APPBP2: variants seen among roughly 807,000 people sequenced by gnomAD.
The protein encoded by APPBP2 is amyloid protein-binding protein 2.
APPBP2 carries 15 observed loss-of-function variants against 76.0 expected under a neutral mutation model. That is an observed-to-expected ratio of 0.20 (90% CI 0.13 to 0.30). The LOEUF (loss-of-function observed/expected upper bound fraction) is 0.30. Among genes scored for constraint, APPBP2 ranks in the 10% least tolerant of loss-of-function variants. The pLI is 1.00. For synonymous variants in APPBP2, 222 were observed against 242.2 expected (o/e 0.92, Z 0.77); for missense variants, 401 against 687.2 (o/e 0.58, Z 4.66).
At chr17:60,477,781 A>G (rs2090601236) in intron 4 of APPBP2, among the ~76,000 whole-genome samples, 1 of 150,754 alleles carries the variant, frequency 6.6e-6, no homozygotes, top group Non-Finnish European at 1.5e-5. Flanking sequence ...CAGCCTCAAA[A>G]GACTGAAATC....
chr17:60,448,842 G>C (rs994269478), intron 12 of APPBP2, among the ~76,000 whole-genome samples: 13 of 152,160 alleles, frequency 8.5e-5, no homozygotes, highest in Non-Finnish European at 5.9e-5. Context: ...GAGTGGGTGG[G>C]AACTGGGTAG....
Position 60,444,132 on chromosome 17 carries a change from A to AAAG in APPBP2, c.*3448_*3449insCTT, listed in dbSNP as rs2090325943. 1 of 152,238 alleles carries AAAG rather than the reference A, an allele frequency of 6.6e-6. No individual in the cohort carries two copies. Among genetic ancestry groups the AAAG allele is most frequent in the African/African-American group, 2.4e-5 (1 of 41,140 alleles). The allele number at this position is 152,238 out of a possible 1,614,324, so 9.4% of individuals were successfully genotyped here. A position where few individuals can be genotyped will look rare whatever the true frequency, so the allele number is the denominator to read the frequency against. Reference sequence around the variant, plus strand: ...CAACAAGAGCGAAACTCCGTCTGAAAAAAAAAAAAAAAATTTCCTGGCAAC... The same window carrying AAAG: ...CAACAAGAGCGAAACTCCGTCTGAAAAAGAAAAAAAAAAAAATTTCCTGGCAAC... On this transcript the variant is annotated 3_prime_UTR_variant, in exon 13 of 13. Transcript: ENST00000083182.
At chr17:60,457,842 A>G (rs1475241688) in intron 9 of APPBP2, among the ~76,000 whole-genome samples, 3 of 152,262 alleles carry the variant, frequency 2.0e-5, no homozygotes, top group Non-Finnish European at 2.9e-5. Context: ...TTTAATGTGT[A>G]CAATTCAATG....
At chr17:60,497,441 C>T (rs963496091) in intron 2 of APPBP2, among the ~76,000 whole-genome samples, 1 of 151,962 alleles carries the variant, frequency 6.6e-6, no homozygotes, top group Non-Finnish European at 1.5e-5. Context: ...GCTAACACAA[C>T]AGGATTATAG....
At chr17:60,474,510 A>T (rs947649958) in intron 4 of APPBP2, among the ~76,000 whole-genome samples, 3 of 152,072 alleles carry the variant, frequency 2.0e-5, no homozygotes, top group Non-Finnish European at 4.4e-5. Context: ...TCACTAGGTG[A>T]TCTCTATAAA....
intron 1 of APPBP2, among the ~76,000 whole-genome samples, chr17:60,504,327 G>C (rs1234210104): frequency 6.6e-6 from 1 of 152,040 alleles, no homozygotes; most frequent in Non-Finnish European, 1.5e-5. Context: ...CAGTTATGAA[G>C]ATAGATCAAC....
chr17:60,504,655 A>G (rs1231695061), intron 1 of APPBP2, among the ~76,000 whole-genome samples: 1 of 152,180 alleles, frequency 6.6e-6, no homozygotes, highest in Non-Finnish European at 1.5e-5. Context: ...TATACCAAAA[A>G]TATAAAAATC....
At chr17:60,518,343 A>C (rs1226051969) in intron 1 of APPBP2, among the ~76,000 whole-genome samples, 1 of 147,980 alleles carries the variant, frequency 6.8e-6, no homozygotes, top group East Asian at 2.0e-4. Context: ...TACCATGCCC[A>C]GCCGTGTGTG....
chr17:60,522,618 A>G (rs371437987), intron 1 of APPBP2, among the ~76,000 whole-genome samples: 26 of 152,214 alleles, frequency 1.7e-4, no homozygotes, highest in African/African-American at 4.3e-4. Flanking sequence ...CTGCGCCTTT[A>G]CATCTTTAAT....
rs1567914479 is a variant in APPBP2 at position 60,446,016 on chromosome 17, T to C, written c.*1565A>G. On this transcript the variant is annotated 3_prime_UTR_variant, in exon 13 of 13. Coordinates refer to ENST00000083182, the MANE Select transcript of APPBP2 (RefSeq NM_006380.5). ...ATCTACAACTTTTCTGTACTCAATG[T>C]GGCAGACAGCTTAGATTTTTTTCCC... The C allele has an allele frequency of 6.6e-6, 1 of 152,212 alleles. No individual in the cohort carries two copies. The highest frequency in any genetic ancestry group is 1.5e-5 in the Non-Finnish European group (1 of 68,042). 9.4% of individuals were successfully genotyped at this position (152,212 alleles called of 1,614,324 possible).
chr17:60,492,509 C>G (rs921329189), intron 3 of APPBP2, among the ~76,000 whole-genome samples: 1 of 152,196 alleles, frequency 6.6e-6, no homozygotes, highest in African/African-American at 2.4e-5. Flanking sequence ...AGGGGCGGAG[C>G]TGCCCAAGAC....
intron 1 of APPBP2, among the ~76,000 whole-genome samples, chr17:60,520,928 C>A (rs1435520879): frequency 1.3e-5 from 2 of 152,100 alleles, no homozygotes; most frequent in Non-Finnish European, 2.9e-5. Flanking sequence ...GTATAGAGTT[C>A]TAGAATTTTC....
intron 1 of APPBP2, among the ~76,000 whole-genome samples, chr17:60,519,949 A>G (rs540491606): frequency 1.3e-5 from 2 of 151,894 alleles, no homozygotes; most frequent in African/African-American, 4.8e-5. Flanking sequence ...ACACATGGCT[A>G]ATTTTTTTCT....
intron 2 of APPBP2, among the ~76,000 whole-genome samples, chr17:60,499,971 CT>C (rs2090808874): frequency 6.7e-6 from 1 of 149,910 alleles, no homozygotes; most frequent in African/African-American, 2.5e-5. Flanking sequence ...TTAAAAAGTT[CT>C]GGAAATGAAT....
At chr17:60,470,067 C>G (rs766610021) in intron 4 of APPBP2, among the ~76,000 whole-genome samples, 1 of 151,774 alleles carries the variant, frequency 6.6e-6, no homozygotes, top group South Asian at 2.1e-4. Flanking sequence ...TTCTTCTCAT[C>G]CTTGCCAACA....
At chr17:60,467,143 G>T (rs1213805354) in intron 4 of APPBP2, among the ~76,000 whole-genome samples, 1 of 149,504 alleles carries the variant, frequency 6.7e-6, no homozygotes, top group Admixed American at 6.6e-5. Context: ...GTTAGGACTG[G>T]ACAAATATTT....
In APPBP2 at chr17:60,524,561, T is replaced by A. The variant is rs73990488; in HGVS notation, c.138+1233A>T. Among the ~76,000 whole-genome samples, 687 of 139,572 alleles carry A rather than the reference T, an allele frequency of 4.9e-3. 2 individuals are homozygous for A. Among genetic ancestry groups the A allele is most frequent in the African/African-American group, 0.017 (664 of 37,950 alleles). 91.6% of individuals were successfully genotyped at this position (139,572 alleles called of 152,430 possible). A position where few individuals can be genotyped will look rare whatever the true frequency, so the allele number is the denominator to read the frequency against. On this transcript the variant is annotated intron_variant, in intron 1 of 12. Coordinates refer to ENST00000083182, the MANE Select transcript of APPBP2 (RefSeq NM_006380.5). ...ACCCCACTTTAATTGTTAGAATTGGTGCAAAGCAGCTGGATTTAGTAGAAC... is the reference window on the plus strand; with the variant it reads ...ACCCCACTTTAATTGTTAGAATTGGAGCAAAGCAGCTGGATTTAGTAGAAC...
chr17:60,521,083 A>G (rs929357105), intron 1 of APPBP2, among the ~76,000 whole-genome samples: 1 of 152,150 alleles, frequency 6.6e-6, no homozygotes, highest in African/African-American at 2.4e-5. Flanking sequence ...CTACAGGCAT[A>G]TATCACTCCA....
chr17:60,488,951 G>A lies in APPBP2; in HGVS notation c.379+5515C>T, dbSNP rs148605040. 7.0e-3 allele frequency among the ~76,000 whole-genome samples: 1,071 copies of A among 152,270 alleles called. 9 individuals carry two copies. Among genetic ancestry groups the A allele is most frequent in the Non-Finnish European group, 0.012 (827 of 68,016 alleles). ...TAAAAAATAAATGCTGGCCAGGCAC[G>A]GTGGCTCATGCCTGTAATCCCAGCA... On this transcript the variant is annotated intron_variant, in intron 3 of 12. Transcript: ENST00000083182.
Sources: allele counts gnomAD v4.1 joint callset (sites outside exome capture counted in the v4.1 genomes callset), GRCh38; gene constraint gnomAD v4.1.1; transcripts MANE v1.5; gene names NCBI Gene and HGNC (gene_info 2026-07-23, HGNC 2026-07-21).